CFH: variants seen among roughly 807,000 people sequenced by gnomAD.
CFH encodes H factor 1 (complement).
CFH carries 53 observed loss-of-function variants against 147.3 expected under a neutral mutation model. The ratio of observed to expected loss-of-function variants is 0.36; its 90% confidence interval spans 0.29 to 0.45. The LOEUF is 0.45. CFH is among the 20% of genes least tolerant of loss of function. The pLI, the probability that CFH is intolerant of heterozygous loss-of-function variation, is 1.00. For synonymous variants in CFH, 536 were observed against 489.4 expected, an observed-to-expected ratio of 1.10 and a Z score of -1.26; for missense variants, 1,380 against 1,498.0, an observed-to-expected ratio of 0.92 and a Z score of 1.30.
intron 1 of CFH, among the ~76,000 whole-genome samples, chr1:196,666,663 A>G (rs1322712929): frequency 6.6e-6 from 1 of 151,572 alleles, no homozygotes; most frequent in Non-Finnish European, 1.5e-5. Context: ...AACCCAAAAA[A>G]TAGCCGGGCA....
chr1:196,688,110 C>A (rs1667889099), intron 7 of CFH, among the ~76,000 whole-genome samples: 2 of 151,536 alleles, frequency 1.3e-5, no homozygotes, highest in African/African-American at 4.8e-5. Flanking sequence ...TTCTTTTTAA[C>A]CTATTGCATA....
chr1:196,727,561 A>G lies in CFH; in HGVS notation c.2236+621A>G, dbSNP rs530625011. Among the ~76,000 whole-genome samples, 4 of 152,258 alleles carry G rather than the reference A, an allele frequency of 2.6e-5. No homozygotes were observed. The East Asian group carries it at 7.7e-4, about 29-fold the overall frequency. On this transcript the variant is annotated intron_variant, in intron 14 of 21. Transcript: ENST00000367429. The stretch of plus-strand genomic sequence containing the variant: ...TATGAGTACTAATTACTGAGAAATT[A>G]TAACAGTTTTATATAAAATATAAAT...
intron 1 of CFH, among the ~76,000 whole-genome samples, chr1:196,667,544 G>T (rs191291339): frequency 9.9e-5 from 15 of 151,826 alleles, no homozygotes; most frequent in Admixed American, 9.2e-4. Flanking sequence ...CTAGCATATT[G>T]GTTTTTATCA....
chr1:196,708,350 G>A (rs564400012), intron 9 of CFH, among the ~76,000 whole-genome samples: 2 of 152,128 alleles, frequency 1.3e-5, no homozygotes, highest in Admixed American at 1.3e-4. Context: ...TACTTTCCAG[G>A]TCCAAGTAAT....
At chr1:196,690,554 G>A (rs1217972476) in intron 9 of CFH, among the ~76,000 whole-genome samples, 2 of 152,050 alleles carry the variant, frequency 1.3e-5, no homozygotes, top group Non-Finnish European at 2.9e-5. Flanking sequence ...TCTGAGGTTC[G>A]TTATCTCACA....
Position 196,741,916 on chromosome 1 carries a change from C to G in CFH, c.2998C>G (p.Pro1000Ala). 6.2e-7 allele frequency: 1 copy of G among 1,614,130 alleles called. No individual in the cohort carries two copies. Among genetic ancestry groups the G allele is most frequent in the Non-Finnish European group, 8.5e-7 (1 of 1,180,008 alleles). The change falls in exon 19 of 22, where the codon CCC becomes GCC. Residue 1000 changes from proline (P) to alanine (A), a missense_variant. Transcript: ENST00000367429. ...TTTACCTAGCTTTGAAAATGCCATACCCATGGGAGAGAAGAAGGATGTGTA... is the reference window on the plus strand; with the variant it reads ...TTTACCTAGCTTTGAAAATGCCATAGCCATGGGAGAGAAGAAGGATGTGTA... ...LSLPSFENAI[P>A]MGEKKDVYKA...
At chr1:196,682,617 A>C (rs1238726460) in intron 6 of CFH, among the ~76,000 whole-genome samples, 1 of 151,616 alleles carries the variant, frequency 6.6e-6, no homozygotes, top group Non-Finnish European at 1.5e-5. Flanking sequence ...GAAGATACAT[A>C]AACTGAACTT....
At chr1:196,697,860 T>C (rs1198078105) in intron 9 of CFH, among the ~76,000 whole-genome samples, 1 of 151,938 alleles carries the variant, frequency 6.6e-6, no homozygotes, top group East Asian at 1.9e-4. Flanking sequence ...TGTAGGGACA[T>C]GGATGAAGCT....
chr1:196,700,068 C>A (rs1270920556), intron 9 of CFH, among the ~76,000 whole-genome samples: 3 of 152,138 alleles, frequency 2.0e-5, no homozygotes, highest in Non-Finnish European at 2.9e-5. Flanking sequence ...CTGATGCCAG[C>A]CATTCTGAAA....
In CFH at chr1:196,737,558, G is replaced by A. The variant is rs769703977; in HGVS notation, c.2680G>A (p.Gly894Arg). 2 of 1,613,260 alleles carry A rather than the reference G, an allele frequency of 1.2e-6. No homozygotes were observed. Among genetic ancestry groups the A allele is most frequent in the South Asian group, 1.1e-5 (1 of 91,064 alleles). Residue 894 changes from glycine to arginine, a missense_variant, in exon 17 of 22, where the codon GGG becomes AGG. Around this residue, in one of 4 missense-constraint regions of CFH, gnomAD observed 830 missense variants for 821.4 expected, o/e 1.01. Transcript: ENST00000367429. ...SRSSQESYAHGTKLSYTCEGG... is the reference protein window; with the variant it reads ...SRSSQESYAHRTKLSYTCEGG... ...GTCTTCACAAGAAAGTTATGCACAT[G>A]GGACTAAATTGAGTTATACTTGTGA...
chr1:196,738,339 C>A (rs779052920), intron 17 of CFH, among the ~76,000 whole-genome samples: 11 of 152,184 alleles, frequency 7.2e-5, no homozygotes, highest in Non-Finnish European at 1.6e-4. Flanking sequence ...TCCTCCAAAT[C>A]TTAACTTATT....
chr1:196,743,684 G>T, intron 20 of CFH, 56 bp downstream of exon 20: 1 of 1,608,642 alleles, frequency 6.2e-7, no homozygotes. Context: ...GTTAAAATAT[G>T]TTGATTTAAA....
intron 18 of CFH, 171 bp from the exon 19 acceptor site, chr1:196,741,704 G>T (rs1652813627): frequency 1.6e-6 from 1 of 611,544 alleles, no homozygotes; most frequent in African/African-American, 1.9e-5. Flanking sequence ...AGATTTAGAA[G>T]AATTTAATGT....
intron 9 of CFH, among the ~76,000 whole-genome samples, chr1:196,699,336 G>T (rs1017181850): frequency 3.9e-5 from 6 of 151,948 alleles, no homozygotes; most frequent in Non-Finnish European, 7.4e-5. Flanking sequence ...TACCATCTAT[G>T]TACCTCCTTT....
At chr1:196,712,287 T>C (rs1187897627) in intron 9 of CFH, among the ~76,000 whole-genome samples, 1 of 152,014 alleles carries the variant, frequency 6.6e-6, no homozygotes, top group Non-Finnish European at 1.5e-5. Context: ...GTTTTCTATT[T>C]GGTTTCTTCT....
chr1:196,717,937 A>G (rs1414158069), intron 11 of CFH, among the ~76,000 whole-genome samples: 1 of 152,122 alleles, frequency 6.6e-6, no homozygotes, highest in African/African-American at 2.4e-5. Context: ...AAATGGTAGA[A>G]GCTGATGGAT....
intron 6 of CFH, 98 bp from the exon 7 acceptor site, chr1:196,684,966 G>C (rs1667776312): frequency 1.1e-6 from 1 of 926,464 alleles, no homozygotes; most frequent in Non-Finnish European, 1.7e-6. Context: ...ATTATGCTAA[G>C]GACAAATAAA....
At chr1:196,692,795 T>TTTCC (rs1558163740) in intron 9 of CFH, among the ~76,000 whole-genome samples, 3 of 110,302 alleles carry the variant, frequency 2.7e-5, no homozygotes, top group Non-Finnish European at 5.6e-5. Context: ...TCTTTCTTTC[T>TTTCC]TTCTTTCTTT....
Position 196,679,625 on chromosome 1 carries a change from A to T in CFH, c.622A>T (p.Ile208Phe). Residue 208 changes from isoleucine (I) to phenylalanine (F), a missense_variant and splice_region_variant, in exon 6 of 22, where the codon ATT (isoleucine) becomes TTT (phenylalanine). This residue lies in a region of CFH where 260 missense variants were observed against 263.3 expected (regional missense o/e 0.99). Transcript: ENST00000367429. ...GGAATTTAATCCCTTTTATTTAGAA[A>T]TTTCATGCAAATCCCCAGATGTTAT... ...WSKEKPKCVE[I>F]SCKSPDVING... 6.3e-7 allele frequency: 1 copy of T among 1,599,672 alleles called. No homozygotes were observed. Among genetic ancestry groups the T allele is most frequent in the Non-Finnish European group, 8.6e-7 (1 of 1,168,552 alleles).
Sources: allele counts gnomAD v4.1 joint callset (sites outside exome capture counted in the v4.1 genomes callset), GRCh38; gene constraint gnomAD v4.1.1; regional missense constraint gnomAD v4.1.1; transcripts MANE v1.5; gene names NCBI Gene and HGNC (gene_info 2026-07-23, HGNC 2026-07-21).